TTF1: variants seen among roughly 807,000 people sequenced by gnomAD.
TTF1 encodes the protein transcription termination factor 1.
TTF1 carries 64 observed loss-of-function variants against 80.2 expected under a neutral mutation model. The ratio of observed to expected loss-of-function variants is 0.80; its 90% CI spans 0.65 to 0.98. TTF1 has a LOEUF of 0.98. Ranked by LOEUF, TTF1 falls within the 50% of genes least tolerant of loss-of-function variation. The pLI is 0.00. For missense variants in TTF1, 1,023 were observed against 1,086.2 expected (o/e 0.94, Z 0.82); for synonymous variants, 372 against 382.7 (o/e 0.97, Z 0.33).
chr9:132,378,414 G>A (rs1564182175), intron 10 of TTF1, among the ~76,000 whole-genome samples: 4 of 72,114 alleles, frequency 5.5e-5, no homozygotes, highest in Non-Finnish European at 7.4e-5. Flanking sequence ...GAGTGCATGT[G>A]GTGTGAGTGC....
At position 132,379,140 on chromosome 9, in the gene TTF1, C is replaced by T. The variant is rs758235058; in HGVS notation, c.2383G>A (p.Val795Ile). ...TTAGTTTGAACGTAAGATGGAGGAA[C>T]ATCACTTTAGAAAAGGAAAGAAAAG... ...WEDLASAIGD[V>I]PPSYVQTKFS... Residue 795 changes from valine (V) to isoleucine (I), a missense_variant, in exon 10 of 11, where the codon GTT becomes ATT. By Grantham distance (29) the Val-to-Ile change is conservative. Transcript: ENST00000334270. 2 of 1,603,706 alleles carry T rather than the reference C, an allele frequency of 1.2e-6. No homozygotes were observed. Among genetic ancestry groups the T allele is most frequent in the African/African-American group, 1.3e-5 (1 of 74,486 alleles).
chr9:132,386,870 C>G (rs117329298), intron 8 of TTF1, among the ~76,000 whole-genome samples: 1 of 151,954 alleles, frequency 6.6e-6, no homozygotes, highest in Non-Finnish European at 1.5e-5. Context: ...TCTCAACAAA[C>G]CATGTTGCTT....
intron 10 of TTF1, among the ~76,000 whole-genome samples, chr9:132,376,784 C>A (rs1274298327): frequency 6.6e-6 from 1 of 151,518 alleles, no homozygotes; most frequent in African/African-American, 2.4e-5. Context: ...ACCTCAGCCT[C>A]CCCCTCCCAC....
In TTF1 at chr9:132,402,121, A is replaced by C. The variant is rs770433419; in HGVS notation, c.701T>G (p.Leu234Arg). ...TGCTTGCGATCCTTCAGGCATGGCC[A>C]GTGTCTCATATTCCCGGTTACTGGA... is the stretch of plus-strand genomic sequence containing the variant. ...KKSSNREYETLAMPEGSQAGR... is the reference protein window; with the variant it reads ...KKSSNREYETRAMPEGSQAGR... Residue 234 changes from leucine to arginine, a missense_variant, in exon 2 of 11, where the codon CTG becomes CGG. Transcript: ENST00000334270. The C allele has an allele frequency of 3.7e-6, 6 of 1,613,874 alleles. No individual in the cohort carries two copies. In the African/African-American group the frequency reaches 8.0e-5, roughly 22 times the overall value.
chr9:132,400,387 G>T (rs148607380), intron 2 of TTF1, 129 bp from the exon 3 acceptor site: 4 of 714,778 alleles, frequency 5.6e-6, no homozygotes, highest in Non-Finnish European at 7.0e-6. Flanking sequence ...GCAATGGTGC[G>T]ATCTCAGCTC....
intron 9 of TTF1, among the ~76,000 whole-genome samples, chr9:132,385,230 C>T (rs1363418205): frequency 1.3e-5 from 2 of 152,128 alleles, no homozygotes; most frequent in Non-Finnish European, 2.9e-5. Flanking sequence ...CAATCCCATT[C>T]ATGCGAAGCC....
intron 5 of TTF1, among the ~76,000 whole-genome samples, chr9:132,395,332 C>T (rs1011035520): frequency 6.6e-6 from 1 of 152,040 alleles, no homozygotes; most frequent in Non-Finnish European, 1.5e-5. Context: ...ATGATCACCA[C>T]AACACAAATA....
At chr9:132,394,626 C>T (rs1564188091) in intron 5 of TTF1, among the ~76,000 whole-genome samples, 1 of 152,074 alleles carries the variant, frequency 6.6e-6, no homozygotes, top group Non-Finnish European at 1.5e-5. Context: ...GGTGTGGTGG[C>T]TCAAGCCTGC....
At position 132,376,079 on chromosome 9, in the gene TTF1, T is replaced by C. The variant is rs749119891; in HGVS notation, c.2554A>G (p.Thr852Ala). Reference sequence around the variant, plus strand: ...AAAACTTGCTTGGGTGCTGCAGGAGTCTGGATTTTAGTGCCTTTTTTCTCC... The same window carrying C: ...AAAACTTGCTTGGGTGCTGCAGGAGCCTGGATTTTAGTGCCTTTTTTCTCC... The part of the protein sequence containing the change: ...MMEKKGTKIQ[T>A]PAAPKQVFPF... The change falls in exon 11 of 11, where the codon ACT (threonine) becomes GCT (alanine). Residue 852 changes from threonine to alanine, a missense_variant. Physicochemically the swap from Thr to Ala is moderately conservative, Grantham distance 58. Transcript: ENST00000334270. The C allele has an allele frequency of 6.2e-7, 1 of 1,614,038 alleles. No individual in the cohort carries two copies. The highest frequency in any genetic ancestry group is 8.5e-7 in the Non-Finnish European group (1 of 1,180,008).
chr9:132,390,507 C>A, intron 7 of TTF1, 90 bp downstream of exon 7: 2 of 1,289,660 alleles, frequency 1.6e-6, no homozygotes, highest in South Asian at 1.3e-5. Context: ...GACACGTCAG[C>A]TTCCCCACGG....
At position 132,401,765 on chromosome 9, in the gene TTF1, G is replaced by A; in HGVS notation, c.1057C>T (p.Leu353Phe). ...EFEAVAMPES[L>F]ESAYPEGSQV... The stretch of plus-strand genomic sequence containing the variant: ...GATCCTTCAGGGTATGCACTCTCGA[G>A]GCTCTCAGGCATGGCCACTGCCTCA... The change falls in exon 2 of 11, where the codon CTC (leucine) becomes TTC (phenylalanine). Residue 353 changes from leucine (L) to phenylalanine (F), a missense_variant. Transcript: ENST00000334270. 6.2e-7 allele frequency: 1 copy of A among 1,613,880 alleles called. No individual in the cohort carries two copies. Among genetic ancestry groups the A allele is most frequent in the South Asian group, 1.1e-5 (1 of 91,058 alleles).
At position 132,401,942 on chromosome 9, in the gene TTF1, G is replaced by T. The variant is rs748287127; in HGVS notation, c.880C>A (p.Pro294Thr). ...TCACTGCCCACTTGTGATCCTTCAG[G>T]CATGGCCAATGCCTCAAATTCCTGG... ...NHQEFEALAM[P>T]EGSQVGSEVG... Residue 294 changes from proline to threonine, a missense_variant, in exon 2 of 11, where the codon CCT becomes ACT. Transcript: ENST00000334270. The T allele has an allele frequency of 6.2e-7, 1 of 1,611,240 alleles. No homozygotes were observed. The highest frequency in any genetic ancestry group is 2.3e-5 in the East Asian group (1 of 44,170).
At chr9:132,393,279 C>CA (rs1554729460) in intron 5 of TTF1, among the ~76,000 whole-genome samples, 4 of 151,558 alleles carry the variant, frequency 2.6e-5, no homozygotes, top group Non-Finnish European at 5.9e-5. Context: ...GCCCCCCCCG[C>CA]AAACTGGCCA....
chr9:132,376,308 C>T (rs1435147655), intron 10 of TTF1, 140 bp from the exon 11 acceptor site: 6 of 943,780 alleles, frequency 6.4e-6, no homozygotes, highest in Non-Finnish European at 9.2e-6. Flanking sequence ...ATTGGTTTAC[C>T]CACATTCACT....
intron 5 of TTF1, among the ~76,000 whole-genome samples, chr9:132,393,753 C>T (rs1564187845): frequency 6.6e-6 from 1 of 152,078 alleles, no homozygotes; most frequent in East Asian, 1.9e-4. Flanking sequence ...TCAGCAAACA[C>T]ATATATTAAA....
intron 7 of TTF1, 70 bp downstream of exon 7, chr9:132,390,527 A>G (rs1234277162): frequency 6.8e-7 from 1 of 1,479,598 alleles, no homozygotes; most frequent in African/African-American, 1.4e-5. Context: ...GCAGTTACAC[A>G]GATATTCTTG....
At position 132,402,045 on chromosome 9, in the gene TTF1, CA is replaced by C; in HGVS notation, c.776del (p.Leu259TrpfsTer9). 6.2e-7 allele frequency: 1 copy of C among 1,614,066 alleles called. No individual in the cohort carries two copies. Among genetic ancestry groups the C allele is most frequent in the Non-Finnish European group, 8.5e-7 (1 of 1,180,014 alleles). ...CTAGTAGTTGTGGAGTTTCATCATC[CA>C]AGCCCACAGTAGGCTGGGATTCCTG... ...DMQESQPTVGLDDETPQLLGP... is the reference protein window; with the variant it reads ...DMQESQPTVGXDDETPQLLGP... On this transcript the variant is annotated frameshift_variant, in exon 2 of 11. Coordinates refer to ENST00000334270, the MANE Select transcript of TTF1 (RefSeq NM_007344.4). LOFTEE classifies it high-confidence loss of function.
In TTF1 at chr9:132,402,122, G is replaced by A. The variant is rs150653192; in HGVS notation, c.700C>T (p.Leu234=). The change falls in exon 2 of 11, where the codon CTG becomes TTG. Residue 234 remains leucine, a synonymous_variant. Transcript: ENST00000334270. ...KKSSNREYET[L]AMPEGSQAGR... Reference sequence around the variant, plus strand: ...GCTTGCGATCCTTCAGGCATGGCCAGTGTCTCATATTCCCGGTTACTGGAC... The same window carrying A: ...GCTTGCGATCCTTCAGGCATGGCCAATGTCTCATATTCCCGGTTACTGGAC... 1.9e-6 allele frequency: 3 copies of A among 1,614,044 alleles called. No homozygotes were observed. Among genetic ancestry groups the A allele is most frequent in the Non-Finnish European group, 2.5e-6 (3 of 1,180,004 alleles).
At chr9:132,377,261 A>C (rs1849205506) in intron 10 of TTF1, among the ~76,000 whole-genome samples, 2 of 122,266 alleles carry the variant, frequency 1.6e-5, no homozygotes, top group South Asian at 5.5e-4. Context: ...GTGTGAGTGC[A>C]TGCGTGTGGT....
Sources: allele counts gnomAD v4.1 joint callset (sites outside exome capture counted in the v4.1 genomes callset), GRCh38; gene constraint gnomAD v4.1.1; transcripts MANE v1.5; gene names NCBI Gene and HGNC (gene_info 2026-07-23, HGNC 2026-07-21).